AATF: variants seen among roughly 807,000 people sequenced by gnomAD.
AATF encodes the protein apoptosis antagonizing transcription factor, also known as protein AATF.
Under a neutral mutation model 63.7 loss-of-function variants are expected in AATF, and 48 were observed. That is an observed-to-expected ratio of 0.75 (90% CI 0.60 to 0.96). The LOEUF (loss-of-function observed/expected upper bound fraction) is 0.96. AATF is among the 40% of genes least tolerant of loss of function. The pLI is 0.00. For missense variants in AATF, 639 were observed against 685.7 expected (o/e 0.93, Z 0.76); for synonymous variants, 258 against 247.7 (o/e 1.04, Z -0.39).
intron 11 of AATF, chr17:37,052,187 T>C (rs960510941): frequency 1.2e-4 from 18 of 152,158 alleles, no homozygotes; most frequent in Admixed American, 7.2e-4. Context: ...GCAGGAATTA[T>C]GTGTTTTTTT....
chr17:37,020,844 C>CCAATT lies in AATF; in HGVS notation c.1467-90_1467-89insCAATT, dbSNP rs1567986528. On this transcript the variant is annotated intron_variant, in intron 9 of 11. Coordinates refer to ENST00000619387, the MANE Select transcript of AATF (RefSeq NM_012138.4). ...CTTGATGTAGGTTGATGATTTCTTT[C>CCAATT]TGCAGGGTTGTTAGAATAATTCCAA... The CCAATT allele has an allele frequency of 1.3e-5, 14 of 1,048,006 alleles. 1 individual carries two copies. The Admixed American group carries it at 1.6e-4, about 12-fold the overall frequency. The allele number at this position is 1,048,006 out of a possible 1,614,324, so 64.9% of individuals were successfully genotyped here. A position where few individuals can be genotyped will look rare whatever the true frequency, so the allele number is the denominator to read the frequency against.
intron 4 of AATF, among the ~76,000 whole-genome samples, chr17:36,967,678 A>G (rs550410342): frequency 7.9e-4 from 120 of 152,224 alleles, no homozygotes; most frequent in African/African-American, 1.2e-3. Context: ...ACATCCTCTC[A>G]TAGCTTGCTG....
Position 36,989,229 on chromosome 17 carries a change from T to C in AATF, c.1150-18T>C, listed in dbSNP as rs775513710. Reference sequence around the variant, plus strand: ...ACTGATTTTCTGCATTATCTGACACTGCTTAATGTTGTTGCAGGGTTTTGG... The same window carrying C: ...ACTGATTTTCTGCATTATCTGACACCGCTTAATGTTGTTGCAGGGTTTTGG... On this transcript the variant is annotated intron_variant, in intron 6 of 11. Transcript: ENST00000619387. The C allele has an allele frequency of 3.1e-6, 5 of 1,600,500 alleles. No individual in the cohort carries two copies. The South Asian group carries it at 3.4e-5, about 11-fold the overall frequency.
rs2306658 is a variant in AATF at position 36,949,012 on chromosome 17, G to T, written c.-114G>T. On this transcript the variant is annotated 5_prime_UTR_variant, in exon 1 of 12. Transcript: ENST00000619387. ...GGGTGGCCTCCGCGCGGTCTCTGGC[G>T]GAGTCGGGGAATCGGATCAAGGCGA... 6,497 of 1,031,794 alleles carry T rather than the reference G, an allele frequency of 6.3e-3. 282 individuals are homozygous for T. In the African/African-American group the frequency reaches 0.091, roughly 14 times the overall value. 63.9% of individuals were successfully genotyped at this position (1,031,794 alleles called of 1,614,324 possible). A position where few individuals can be genotyped will look rare whatever the true frequency, so the allele number is the denominator to read the frequency against.
rs375237003 is a variant in AATF at position 36,950,359 on chromosome 17, A to G, written c.237A>G (p.Lys79=). 2 of 1,614,086 alleles carry G rather than the reference A, an allele frequency of 1.2e-6. No homozygotes were observed. Among genetic ancestry groups the G allele is most frequent in the South Asian group, 1.1e-5 (1 of 91,084 alleles). Residue 79 remains lysine, a synonymous_variant, in exon 2 of 12, where the codon AAA becomes AAG. Transcript: ENST00000619387. ...KRYCGKTTSR[K]AWNEDHWEQT... Reference sequence around the variant, plus strand: ...ATTGCGGCAAAACCACCTCTAGAAAAGCATGGAATGAAGACCATTGGGAGC... The same window carrying G: ...ATTGCGGCAAAACCACCTCTAGAAAGGCATGGAATGAAGACCATTGGGAGC...
intron 4 of AATF, among the ~76,000 whole-genome samples, chr17:36,972,573 G>A (rs1270161993): frequency 6.6e-6 from 1 of 151,916 alleles, no homozygotes; most frequent in Non-Finnish European, 1.5e-5. Flanking sequence ...TAAAGAGACA[G>A]CATTGTTTTG....
intron 10 of AATF, among the ~76,000 whole-genome samples, chr17:37,027,587 C>T (rs375555702): frequency 6.6e-5 from 10 of 151,792 alleles, no homozygotes; most frequent in African/African-American, 1.7e-4. Flanking sequence ...GTTCTAGTAG[C>T]GACATTGAAA....
At chr17:37,021,051 G>A (rs773624536) in intron 10 of AATF, 37 bp downstream of exon 10, 30 of 1,428,996 alleles carry the variant, frequency 2.1e-5, no homozygotes, top group East Asian at 2.4e-5. Flanking sequence ...AACATATATT[G>A]TATATGTATC....
chr17:36,989,193 T>C (rs1287842567), intron 6 of AATF, 54 bp from the exon 7 acceptor site: 18 of 1,548,300 alleles, frequency 1.2e-5, no homozygotes, highest in African/African-American at 4.1e-5. Flanking sequence ...CCAATGTAGC[T>C]TGCCTTCAGC....
chr17:36,955,632 C>T (rs2070893519), intron 4 of AATF, among the ~76,000 whole-genome samples: 1 of 152,000 alleles, frequency 6.6e-6, no homozygotes, highest in African/African-American at 2.4e-5. Context: ...ACGATAAGGC[C>T]TGTTTTCATT....
At chr17:36,994,196 C>T (rs2071237077) in intron 8 of AATF, among the ~76,000 whole-genome samples, 1 of 152,156 alleles carries the variant, frequency 6.6e-6, no homozygotes, top group Admixed American at 6.5e-5. Flanking sequence ...AATGTCAGGA[C>T]TTCTTAGACC....
At chr17:36,977,715 G>A (rs1280979399) in intron 4 of AATF, among the ~76,000 whole-genome samples, 1 of 152,140 alleles carries the variant, frequency 6.6e-6, no homozygotes, top group East Asian at 1.9e-4. Context: ...ACTACTGTAA[G>A]ACAGTTTAAA....
intron 11 of AATF, among the ~76,000 whole-genome samples, chr17:37,050,944 T>C (rs2071742877): frequency 6.6e-6 from 1 of 152,184 alleles, no homozygotes; most frequent in Non-Finnish European, 1.5e-5. Context: ...TTTATGTATT[T>C]ATTTATTTTT....
chr17:37,024,954 G>T (rs1183311842), intron 10 of AATF, among the ~76,000 whole-genome samples: 1 of 151,266 alleles, frequency 6.6e-6, no homozygotes, highest in African/African-American at 2.4e-5. Context: ...GCGAGACCCT[G>T]TCTCAAAAAA....
intron 8 of AATF, among the ~76,000 whole-genome samples, chr17:37,008,287 T>C (rs1189702685): frequency 6.6e-6 from 1 of 152,248 alleles, no homozygotes; most frequent in African/African-American, 2.4e-5. Context: ...AAAACAACTT[T>C]GTGAGGTATA....
At position 37,046,730 on chromosome 17, in the gene AATF, AACACAC is replaced by A. The variant is rs58296683; in HGVS notation, c.1620-9836_1620-9831del. 4.0e-3 allele frequency among the ~76,000 whole-genome samples: 565 copies of A among 140,038 alleles called. 7 individuals are homozygous for A. Among genetic ancestry groups the A allele is most frequent in the South Asian group, 0.033 (140 of 4,210 alleles). The allele number at this position is 140,038 out of a possible 152,430, so 91.9% of individuals were successfully genotyped here. A position where few individuals can be genotyped will look rare whatever the true frequency, so the allele number is the denominator to read the frequency against. The stretch of plus-strand genomic sequence containing the variant: ...TGAGCGATGCATCCTGTGCTCCCCC[AACACAC>A]ACACACACACACACACACACACACA... On this transcript the variant is annotated intron_variant, in intron 11 of 11. Coordinates refer to ENST00000619387, the MANE Select transcript of AATF (RefSeq NM_012138.4).
chr17:37,033,070 A>T (rs922192588), intron 11 of AATF, among the ~76,000 whole-genome samples: 6 of 152,210 alleles, frequency 3.9e-5, no homozygotes, highest in Non-Finnish European at 8.8e-5. Context: ...AAAGTATGAG[A>T]TCTGCAAATT....
intron 4 of AATF, among the ~76,000 whole-genome samples, chr17:36,959,685 A>T (rs2070930854): frequency 6.6e-6 from 1 of 152,202 alleles, no homozygotes; most frequent in Admixed American, 6.5e-5. Flanking sequence ...CATGTTATTA[A>T]TGTATTTAAT....
At chr17:37,014,245 G>T (rs80079752) in intron 8 of AATF, among the ~76,000 whole-genome samples, 17,720 of 150,090 alleles carry the variant, frequency 0.12, 1,317 homozygotes, top group Non-Finnish European at 0.16. Context: ...TCCAGCCTGG[G>T]TGACAGAGCA....
Sources: gnomAD v4.1 joint callset for allele counts (sites outside exome capture counted in the v4.1 genomes callset) on GRCh38, gnomAD v4.1.1 for gene constraint, MANE v1.5 for transcripts, NCBI Gene and HGNC (gene_info 2026-07-23, HGNC 2026-07-21) for gene names.